ACSF3: variants seen among roughly 807,000 people sequenced by gnomAD.
ACSF3 encodes acyl-CoA synthetase family member 3.
ACSF3 carries 78 observed loss-of-function variants against 53.2 expected under a neutral mutation model. The ratio of observed to expected loss-of-function variants is 1.47; its 90% CI spans 1.22 to 1.77. The LOEUF (loss-of-function observed/expected upper bound fraction) is 1.77. ACSF3 is among the 40% of genes most tolerant of loss of function. ACSF3 has a pLI of 0.00. For missense variants in ACSF3, 937 were observed against 771.1 expected (o/e 1.22, Z -2.55); for synonymous variants, 414 against 333.1 (o/e 1.24, Z -2.65).
rs750003808 is a variant in ACSF3, at chr16:89,146,098, C to A, written c.1613+49C>A. 15 of 1,437,358 alleles carry A rather than the reference C, an allele frequency of 1.0e-5. No homozygotes were observed. The East Asian group carries it at 3.0e-4, about 28-fold the overall frequency. The allele number at this position is 1,437,358 out of a possible 1,614,324, so 89.0% of individuals were successfully genotyped here. A position where few individuals can be genotyped will look rare whatever the true frequency, so the allele number is the denominator to read the frequency against. ...GGAGCACTCATGGGGTCTTGGGGGT[C>A]CAGTCTTGAGGGCCACCCTAGGTAT... On this transcript the variant is annotated intron_variant, in intron 10 of 10. Coordinates refer to ENST00000614302, the MANE Select transcript of ACSF3 (RefSeq NM_001243279.3).
At chr16:89,109,708 C>A (rs528482375) in intron 4 of ACSF3, among the ~76,000 whole-genome samples, 4 of 152,088 alleles carry the variant, frequency 2.6e-5, no homozygotes, top group Non-Finnish European at 5.9e-5. Context: ...CCGCCGCACC[C>A]GGCCAGATGT....
Position 89,155,680 on chromosome 16 carries a change from A to T in ACSF3, c.*1473A>T. ...GACTACAGTCCAGACGTTTGTGTCT[A>T]GGCCTTGCTGGTAGCTAAGGAAATG... On this transcript the variant is annotated 3_prime_UTR_variant, in exon 11 of 11. Transcript: ENST00000614302. The T allele has an allele frequency of 2.2e-6, 1 of 454,172 alleles. No homozygotes were observed. The allele number at this position is 454,172 out of a possible 1,614,324, so 28.1% of individuals were successfully genotyped here.
At chr16:89,121,541 A>G (rs886965817) in intron 7 of ACSF3, among the ~76,000 whole-genome samples, 1 of 152,212 alleles carries the variant, frequency 6.6e-6, no homozygotes, top group Non-Finnish European at 1.5e-5. Flanking sequence ...TGAACTCATC[A>G]CAGAGAAAGG....
intron 8 of ACSF3, among the ~76,000 whole-genome samples, chr16:89,143,399 T>C (rs1053488805): frequency 3.3e-5 from 5 of 152,160 alleles, no homozygotes; most frequent in Non-Finnish European, 7.4e-5. Context: ...GCTGGGTCTC[T>C]GGGTGGTGCA....
intron 8 of ACSF3, among the ~76,000 whole-genome samples, chr16:89,138,882 A>G (rs1475624848): frequency 9.2e-5 from 14 of 152,384 alleles, no homozygotes; most frequent in South Asian, 4.1e-4. Context: ...TTTTTAAGCC[A>G]AAGTTACACA....
chr16:89,153,953 G>C, intron 10 of ACSF3, 137 bp from the exon 11 acceptor site: 1 of 845,618 alleles, frequency 1.2e-6, no homozygotes, highest in Non-Finnish European at 1.9e-6. Context: ...CGGTGCACCT[G>C]CCTGGCCTCA....
At chr16:89,108,472 C>G (rs946985794) in intron 4 of ACSF3, among the ~76,000 whole-genome samples, 1 of 152,196 alleles carries the variant, frequency 6.6e-6, no homozygotes, top group East Asian at 1.9e-4. Context: ...TATCGAGATA[C>G]AGTTCACACA....
At chr16:89,153,885 G>A (rs917479284) in intron 10 of ACSF3, 32 of 606,872 alleles carry the variant, frequency 5.3e-5, no homozygotes, top group South Asian at 9.5e-5. Flanking sequence ...ACACCATGCC[G>A]GGCACCTCCT....
In ACSF3 at chr16:89,111,514, C is replaced by T. The variant is rs80219324; in HGVS notation, c.823-578C>T. Among the ~76,000 whole-genome samples the T allele has an allele frequency of 7.5e-3, 1,144 of 152,378 alleles. 29 individuals are homozygous for T. In the East Asian group the frequency reaches 0.11, roughly 15 times the overall value. ...ACCCTTCGGTGCTCCGTGTGGAACA[C>T]CGCGGGTAGAGAGGGCCATGGAAGG... is the stretch of plus-strand genomic sequence containing the variant. On this transcript the variant is annotated intron_variant, in intron 4 of 10. Transcript: ENST00000614302.
At chr16:89,123,474 G>A (rs1326248905) in intron 7 of ACSF3, among the ~76,000 whole-genome samples, 1 of 152,178 alleles carries the variant, frequency 6.6e-6, no homozygotes, top group Non-Finnish European at 1.5e-5. Flanking sequence ...CCACGGTCCC[G>A]GATCCACGTG....
intron 6 of ACSF3, 140 bp downstream of exon 6, chr16:89,114,627 A>G: frequency 7.8e-7 from 1 of 1,278,038 alleles, no homozygotes; most frequent in Non-Finnish European, 1.1e-6. Flanking sequence ...CTCGGCCAGG[A>G]GAGCACTCAG....
intron 8 of ACSF3, among the ~76,000 whole-genome samples, chr16:89,136,175 G>A (rs921591159): frequency 4.6e-5 from 7 of 152,244 alleles, no homozygotes; most frequent in South Asian, 2.1e-4. Flanking sequence ...CGGGGCTCCC[G>A]GAGCCGCTGG....
At chr16:89,140,049 C>G (rs1216478839) in intron 8 of ACSF3, among the ~76,000 whole-genome samples, 1 of 152,238 alleles carries the variant, frequency 6.6e-6, no homozygotes, top group Non-Finnish European at 1.5e-5. Context: ...GTCACTGGGA[C>G]TCCCTCTGCC....
At chr16:89,131,393 G>A (rs892892890) in intron 7 of ACSF3, among the ~76,000 whole-genome samples, 6 of 151,868 alleles carry the variant, frequency 4.0e-5, no homozygotes, top group African/African-American at 1.5e-4. Context: ...CCCAAAGTGT[G>A]CCCTTACTTT....
chr16:89,141,326 T>A, intron 8 of ACSF3: 1 of 1,280,770 alleles, frequency 7.8e-7, no homozygotes, highest in Non-Finnish European at 1.0e-6. Context: ...ATGTCGACCC[T>A]CGGAGCTGAG....
chr16:89,134,285 C>T (rs1319518161), intron 8 of ACSF3, among the ~76,000 whole-genome samples: 1 of 152,176 alleles, frequency 6.6e-6, no homozygotes, highest in Non-Finnish European at 1.5e-5. Context: ...AGTGTTATAG[C>T]TCTATTAGAA....
At chr16:89,152,958 G>T (rs72819315) in intron 10 of ACSF3, 4,721 of 152,410 alleles carry the variant, frequency 0.031, 117 homozygotes, top group Non-Finnish European at 0.05. Flanking sequence ...GTCGAAGCCA[G>T]TTGCCCCTGG....
At chr16:89,137,367 G>A (rs1240110557) in intron 8 of ACSF3, among the ~76,000 whole-genome samples, 2 of 146,138 alleles carry the variant, frequency 1.4e-5, no homozygotes, top group Admixed American at 6.8e-5. Context: ...AGGAGCTCAC[G>A]GGGAAGGATT....
intron 8 of ACSF3, among the ~76,000 whole-genome samples, chr16:89,143,311 C>T (rs558226900): frequency 1.3e-5 from 2 of 152,192 alleles, no homozygotes; most frequent in East Asian, 1.9e-4. Flanking sequence ...AAGAGGGTGC[C>T]GGGGACTTGT....
Sources: allele counts gnomAD v4.1 joint callset (sites outside exome capture counted in the v4.1 genomes callset), GRCh38; gene constraint gnomAD v4.1.1; transcripts MANE v1.5; gene names NCBI Gene and HGNC (gene_info 2026-07-23, HGNC 2026-07-21).